The following RGMB variants were observed in gnomAD, a reference collection of about 807,000 sequenced individuals.
RGMB encodes repulsive guidance molecule BMP co-receptor b, also known as repulsive guidance molecule B.
Under a neutral mutation model 26.9 loss-of-function variants are expected in RGMB, and 16 were observed. The ratio of observed to expected loss-of-function variants is 0.60; its 90% CI spans 0.40 to 0.90. The LOEUF (loss-of-function observed/expected upper bound fraction) is 0.90. RGMB is among the 40% of genes least tolerant of loss of function. The pLI is 0.00. For missense variants in RGMB, 512 were observed against 573.3 expected (o/e 0.89, Z 1.09); for synonymous variants, 225 against 229.3 (o/e 0.98, Z 0.17).
At chr5:98,784,273 A>G (rs1256847917) in intron 2 of RGMB, among the ~76,000 whole-genome samples, 2 of 152,192 alleles carry the variant, frequency 1.3e-5, no homozygotes, top group Non-Finnish European at 2.9e-5. Flanking sequence ...TAGCATACCC[A>G]TCATGCATTA....
intron 2 of RGMB, chr5:98,780,459 A>C (rs1746561679): frequency 1.2e-5 from 2 of 169,130 alleles, no homozygotes; most frequent in Non-Finnish European, 2.5e-5. Flanking sequence ...AGATGATTGA[A>C]GTGGGTGTTC....
chr5:98,779,512 A>G, intron 1 of RGMB, 68 bp from the exon 2 acceptor site: 2 of 1,411,046 alleles, frequency 1.4e-6, no homozygotes, highest in South Asian at 3.5e-5. Flanking sequence ...GAACAATGTG[A>G]TTTTCTCATG....
intron 2 of RGMB, among the ~76,000 whole-genome samples, chr5:98,784,965 T>G (rs1340592669): frequency 2.6e-5 from 4 of 152,220 alleles, no homozygotes; most frequent in African/African-American, 9.7e-5. Flanking sequence ...TAACTAATTC[T>G]TATAATCTGA....
At chr5:98,791,758 A>T (rs1293773978) in intron 2 of RGMB, among the ~76,000 whole-genome samples, 1 of 151,290 alleles carries the variant, frequency 6.6e-6, no homozygotes, top group Non-Finnish European at 1.5e-5. Flanking sequence ...ATGTTGTGTG[A>T]CACAGCAGCC....
chr5:98,793,536 A>G lies in RGMB; in HGVS notation c.1097A>G (p.Asp366Gly). 1.2e-6 allele frequency: 2 copies of G among 1,613,990 alleles called. No individual in the cohort carries two copies. Among genetic ancestry groups the G allele is most frequent in the Non-Finnish European group, 1.7e-6 (2 of 1,179,864 alleles). Residue 366 changes from aspartate (D) to glycine (G), a missense_variant, in exon 3 of 3, where the codon GAC becomes GGC. Coordinates refer to ENST00000513185, the MANE Select transcript of RGMB (RefSeq NM_001366508.1). The stretch of plus-strand genomic sequence containing the variant: ...TGCCATGAGAAGATGCCAGTGAAGG[A>G]CATCTATTTCCAGTCCTGTGTCTTC... ...TQCHEKMPVK[D>G]IYFQSCVFDL...
At position 98,774,076 on chromosome 5, in the gene RGMB, C is replaced by A; in HGVS notation, c.6C>A (p.Gly2=). Residue 2 remains glycine (G), a synonymous_variant, in exon 1 of 3, where the codon GGC becomes GGA. Transcript: ENST00000513185. M[G]LRAAPSSAAA... ...CGAGACCTGCATGGACGGGCATGGG[C>A]TTGAGAGCAGCACCTTCCAGCGCCG... is the stretch of plus-strand genomic sequence containing the variant. The A allele has an allele frequency of 9.5e-7, 1 of 1,054,642 alleles. No individual in the cohort carries two copies. The highest frequency in any genetic ancestry group is 1.4e-6 in the Non-Finnish European group (1 of 719,822). 65.3% of individuals were successfully genotyped at this position (1,054,642 alleles called of 1,614,324 possible).
rs1580301063 is a variant in RGMB, at chr5:98,794,485, T to C, written c.*732T>C. The C allele has an allele frequency of 1.3e-5, 2 of 152,226 alleles. No homozygotes were observed. The highest frequency in any genetic ancestry group is 2.9e-5 in the Non-Finnish European group (2 of 68,042). The allele number at this position is 152,226 out of a possible 1,614,324, so 9.4% of individuals were successfully genotyped here. ...CTCGTAGGTCAAAAGGGTCTAGTGA[T>C]GGAAGTTTTGTAGATAAGTACCAGG... On this transcript the variant is annotated 3_prime_UTR_variant, in exon 3 of 3. Transcript: ENST00000513185.
intron 1 of RGMB, 113 bp downstream of exon 1, chr5:98,774,319 G>A (rs965214719): frequency 3.6e-6 from 4 of 1,113,356 alleles, no homozygotes; most frequent in East Asian, 3.2e-5. Context: ...GGCGCAACGG[G>A]AAAGGCCTCC....
rs560715184 is a variant in RGMB at position 98,793,431 on chromosome 5, C to T, written c.992C>T (p.Ala331Val). The T allele has an allele frequency of 2.1e-4, 345 of 1,612,140 alleles. 4 individuals are homozygous for T. The South Asian group carries it at 3.6e-3, about 17-fold the overall frequency. The change falls in exon 3 of 3, where the codon GCC becomes GTC. Residue 331 changes from alanine to valine, a missense_variant. Ala to Val is a moderately conservative substitution (Grantham distance 64). Transcript: ENST00000513185. ...GATGACGGGCAGGGCCAGGTGTCTG[C>T]CATCCTGGGACACAGCCTGCCTCGC... ...RIDDGQGQVS[A>V]ILGHSLPRTS... is the part of the protein sequence containing the mutation.
At chr5:98,773,208 G>C (rs572394177), upstream of RGMB, 1 of 152,108 alleles carries the variant, frequency 6.6e-6, no homozygotes, top group Admixed American at 6.5e-5. Flanking sequence ...AGCTGAAGCT[G>C]GCAGGGCCAG....
chr5:98,791,444 T>C (rs530518835), intron 2 of RGMB, among the ~76,000 whole-genome samples: 1 of 151,966 alleles, frequency 6.6e-6, no homozygotes, highest in East Asian at 1.9e-4. Flanking sequence ...GAGAAAAACT[T>C]AAGACATAAA....
upstream of RGMB, chr5:98,773,633 C>A: frequency 3.3e-6 from 1 of 302,594 alleles, no homozygotes; most frequent in East Asian, 5.4e-5. Flanking sequence ...CAGTGCGGGA[C>A]TGAGATTGAT....
At chr5:98,771,050 G>A (rs1273421257), upstream of RGMB, 1 of 200,728 alleles carries the variant, frequency 5.0e-6, no homozygotes, top group East Asian at 1.1e-4. Context: ...ATAGGCTCAG[G>A]AAATGAAACT....
Position 98,794,541 on chromosome 5 carries a change from C to T in RGMB, c.*788C>T, listed in dbSNP as rs376443512. 2 of 152,272 alleles carry T rather than the reference C, an allele frequency of 1.3e-5. No homozygotes were observed. Among genetic ancestry groups the T allele is most frequent in the Admixed American group, 1.3e-4 (2 of 15,298 alleles). The allele number at this position is 152,272 out of a possible 1,614,324, so 9.4% of individuals were successfully genotyped here. On this transcript the variant is annotated 3_prime_UTR_variant, in exon 3 of 3. Transcript: ENST00000513185. ...CAGTAACTCCTAGACTTTTTCTCAT[C>T]CCATGCCCCGTTTTAAATTGTCAGT...
chr5:98,786,204 C>G (rs1746762461), intron 2 of RGMB, among the ~76,000 whole-genome samples: 1 of 152,182 alleles, frequency 6.6e-6, no homozygotes, highest in African/African-American at 2.4e-5. Flanking sequence ...CTCCTTCTGT[C>G]CCAGATGTGG....
At chr5:98,774,896 C>A (rs1015027097) in intron 1 of RGMB, among the ~76,000 whole-genome samples, 1 of 152,194 alleles carries the variant, frequency 6.6e-6, no homozygotes, top group African/African-American at 2.4e-5. Context: ...CTTCCCCAGC[C>A]TTGAGGCGTA....
In RGMB at chr5:98,793,254, A is replaced by G. The variant is rs1746992460; in HGVS notation, c.815A>G (p.His272Arg). The G allele has an allele frequency of 6.2e-7, 1 of 1,613,978 alleles. No homozygotes were observed. Among genetic ancestry groups the G allele is most frequent in the African/African-American group, 1.3e-5 (1 of 75,042 alleles). Residue 272 changes from histidine (H) to arginine (R), a missense_variant, in exon 3 of 3, where the codon CAC becomes CGC. His to Arg is a conservative substitution (Grantham distance 29, BLOSUM62 0). Transcript: ENST00000513185. ...GAGAGTGGCCACTATGTGGAGATGC[A>G]CGCCCGCTATATAGGGACCACAGTG... ...ERESGHYVEMHARYIGTTVFV... is the reference protein window; with the variant it reads ...ERESGHYVEMRARYIGTTVFV...
chr5:98,770,393 C>A, upstream of RGMB: 1 of 395,036 alleles, frequency 2.5e-6, no homozygotes, highest in African/African-American at 2.1e-5. Context: ...GGACAGGAAG[C>A]GCATTACCTC....
chr5:98,774,009 G>C lies in RGMB; in HGVS notation c.-62G>C. The C allele has an allele frequency of 1.5e-6, 1 of 646,906 alleles. No individual in the cohort carries two copies. Among genetic ancestry groups the C allele is most frequent in the Non-Finnish European group, 2.7e-6 (1 of 365,986 alleles). 40.1% of individuals were successfully genotyped at this position (646,906 alleles called of 1,614,324 possible). A position where few individuals can be genotyped will look rare whatever the true frequency, so the allele number is the denominator to read the frequency against. Reference sequence around the variant, plus strand: ...GGCCCATGCCGCAGCCACGGGCCCAGACCCGCCACGGCGCCCGCGCCGCCG... The same window carrying C: ...GGCCCATGCCGCAGCCACGGGCCCACACCCGCCACGGCGCCCGCGCCGCCG... On this transcript the variant is annotated 5_prime_UTR_variant, in exon 1 of 3. Coordinates refer to ENST00000513185, the MANE Select transcript of RGMB (RefSeq NM_001366508.1).
Sources: gnomAD v4.1 joint callset for allele counts (sites outside exome capture counted in the v4.1 genomes callset) on GRCh38, gnomAD v4.1.1 for gene constraint, MANE v1.5 for transcripts, NCBI Gene and HGNC (gene_info 2026-07-23, HGNC 2026-07-21) for gene names.